The following LUZP2 variants were observed in gnomAD, a reference collection of about 807,000 sequenced individuals.
The protein encoded by LUZP2 is leucine zipper protein 2.
A neutral mutation model predicts 51.6 loss-of-function variants in LUZP2; 52 were observed. The observed-to-expected ratio is 1.01, with a 90% confidence interval of 0.81 to 1.27. The LOEUF is 1.27. Among genes scored for constraint, LUZP2 ranks in the 50% most tolerant of loss-of-function variants. The pLI, the probability that LUZP2 is intolerant of heterozygous loss-of-function variation, is 0.00. For missense variants in LUZP2, 436 were observed against 395.4 expected, an observed-to-expected ratio of 1.10 and a Z score of -0.87; for synonymous variants, 154 against 137.3, an observed-to-expected ratio of 1.12 and a Z score of -0.85.
chr11:24,907,473 TG>T (rs1216647739), intron 6 of LUZP2, among the ~76,000 whole-genome samples: 1 of 152,166 alleles, frequency 6.6e-6, no homozygotes, highest in Admixed American at 6.6e-5. Flanking sequence ...TTTGTAGATC[TG>T]ATCTAGTGTA....
chr11:24,569,603 A>G (rs1852360113), intron 1 of LUZP2, among the ~76,000 whole-genome samples: 1 of 152,052 alleles, frequency 6.6e-6, no homozygotes, highest in Non-Finnish European at 1.5e-5. Flanking sequence ...AAAATAGCAT[A>G]TTATATAAAA....
At chr11:25,043,685 G>GTA (rs992335944) in intron 9 of LUZP2, among the ~76,000 whole-genome samples, 2 of 145,740 alleles carry the variant, frequency 1.4e-5, no homozygotes, top group Non-Finnish European at 3.0e-5. Flanking sequence ...AATCCTTGAT[G>GTA]TATATATATC....
chr11:25,021,689 A>C (rs1857338721), intron 9 of LUZP2, among the ~76,000 whole-genome samples: 1 of 152,052 alleles, frequency 6.6e-6, no homozygotes, highest in Non-Finnish European at 1.5e-5. Context: ...TGAATGTGGA[A>C]GGGAGCCAGG....
intron 9 of LUZP2, among the ~76,000 whole-genome samples, chr11:25,029,806 T>TA (rs35568867): frequency 6.6e-6 from 1 of 150,998 alleles, no homozygotes; most frequent in Non-Finnish European, 1.5e-5. Context: ...TTTTCTCTCA[T>TA]AAAATTTGCT....
intron 1 of LUZP2, among the ~76,000 whole-genome samples, chr11:24,534,833 C>T (rs191905609): frequency 8.6e-5 from 13 of 151,364 alleles, no homozygotes; most frequent in East Asian, 7.8e-4. Context: ...ATATTTATAA[C>T]GATAATGTGA....
chr11:24,972,231 C>T (rs1297569411), intron 7 of LUZP2, among the ~76,000 whole-genome samples: 2 of 148,744 alleles, frequency 1.3e-5, no homozygotes, highest in East Asian at 4.0e-4. Flanking sequence ...TTTATTCTTC[C>T]TGCCCTGATA....
intron 1 of LUZP2, among the ~76,000 whole-genome samples, chr11:24,604,330 A>AT (rs200129233): frequency 0.015 from 2,228 of 151,962 alleles, 62 homozygotes; most frequent in African/African-American, 0.05. Flanking sequence ...TTTCTTGAAG[A>AT]TATAATATGA....
intron 1 of LUZP2, among the ~76,000 whole-genome samples, chr11:24,682,871 G>A (rs943801999): frequency 5.9e-5 from 9 of 151,950 alleles, no homozygotes; most frequent in Non-Finnish European, 1.3e-4. Flanking sequence ...GGGCGTGATG[G>A]CGCGTGCCTC....
At chr11:24,552,963 A>G (rs1229935715) in intron 1 of LUZP2, among the ~76,000 whole-genome samples, 1 of 151,194 alleles carries the variant, frequency 6.6e-6, no homozygotes, top group Non-Finnish European at 1.5e-5. Context: ...TTTAAATTAT[A>G]TATAAAAGAA....
At chr11:24,880,053 T>C (rs1852410933) in intron 5 of LUZP2, among the ~76,000 whole-genome samples, 1 of 152,196 alleles carries the variant, frequency 6.6e-6, no homozygotes. Context: ...CCTTGTGCCC[T>C]AGACTTCCTT....
At chr11:24,802,521 C>A (rs913157626) in intron 5 of LUZP2, among the ~76,000 whole-genome samples, 3 of 151,612 alleles carry the variant, frequency 2.0e-5, no homozygotes, top group Admixed American at 1.3e-4. Context: ...ACCTTGTATA[C>A]CATTTTTAAT....
intron 1 of LUZP2, among the ~76,000 whole-genome samples, chr11:24,543,324 T>C (rs1851438224): frequency 6.6e-6 from 1 of 152,068 alleles, no homozygotes; most frequent in Admixed American, 6.6e-5. Flanking sequence ...TGTAGGTCCC[T>C]TGAAAGAATA....
At chr11:24,656,055 A>T (rs1007345259) in intron 1 of LUZP2, among the ~76,000 whole-genome samples, 3 of 152,208 alleles carry the variant, frequency 2.0e-5, no homozygotes, top group African/African-American at 7.2e-5. Context: ...CATTTCTCTG[A>T]GGGATGAAGG....
intron 1 of LUZP2, 126 bp downstream of exon 1, chr11:24,497,431 ACGCTGTATGGTTTGGG>A: frequency 5.3e-6 from 3 of 563,338 alleles, no homozygotes; most frequent in Non-Finnish European, 8.5e-6. Flanking sequence ...AGCAAGAGGG[ACGCTGTATGGTTTGGG>A]CTCTGAAATC....
At chr11:24,500,526 G>A (rs1230107369) in intron 1 of LUZP2, among the ~76,000 whole-genome samples, 1 of 152,150 alleles carries the variant, frequency 6.6e-6, no homozygotes, top group African/African-American at 2.4e-5. Context: ...AGCAGTATAG[G>A]TATTGAAAGT....
At chr11:25,051,830 T>G (rs564526506) in intron 10 of LUZP2, among the ~76,000 whole-genome samples, 2 of 152,324 alleles carry the variant, frequency 1.3e-5, no homozygotes, top group African/African-American at 4.8e-5. Flanking sequence ...AATAGAAAAT[T>G]TATGTGTGGT....
chr11:24,557,083 C>T (rs767104920), intron 1 of LUZP2, among the ~76,000 whole-genome samples: 1 of 152,142 alleles, frequency 6.6e-6, no homozygotes, highest in Non-Finnish European at 1.5e-5. Flanking sequence ...TCTAATGAAG[C>T]TTCCGGGTAT....
At chr11:24,847,456 C>G (rs542049413) in intron 5 of LUZP2, among the ~76,000 whole-genome samples, 72 of 152,096 alleles carry the variant, frequency 4.7e-4, no homozygotes, top group Non-Finnish European at 8.5e-4. Flanking sequence ...AATGTTTTAT[C>G]ATGTCCGTTC....
chr11:24,827,945 G>A (rs2631503), intron 5 of LUZP2, among the ~76,000 whole-genome samples: 112,784 of 151,692 alleles, frequency 0.74, 42,840 homozygotes, highest in Middle Eastern at 0.85. Context: ...ACATGCATTA[G>A]ACTAGACCAA....
Sources: allele counts gnomAD v4.1 joint callset (sites outside exome capture counted in the v4.1 genomes callset), GRCh38; gene constraint gnomAD v4.1.1; transcripts MANE v1.5; gene names NCBI Gene and HGNC (gene_info 2026-07-23, HGNC 2026-07-21).